Variants in DYNC2I1 observed in about 807,000 individuals in gnomAD.
DYNC2I1 encodes the protein cytoplasmic dynein 2 intermediate chain 1.
A neutral mutation model predicts 133.4 loss-of-function variants in DYNC2I1; 89 were observed. The ratio of observed to expected loss-of-function variants is 0.67; its 90% CI spans 0.56 to 0.80. The LOEUF (loss-of-function observed/expected upper bound fraction) is 0.80, where lower values mean the gene tolerates loss of function less well. Ranked by LOEUF, DYNC2I1 falls within the 30% of genes least tolerant of loss-of-function variation. The probability of loss-of-function intolerance (pLI) is 0.00; values close to 1 mark genes in which losing one functional copy is unlikely to be tolerated. For missense variants in DYNC2I1, 1,291 were observed against 1,314.5 expected (o/e 0.98, Z 0.28); for synonymous variants, 504 against 484.3 (o/e 1.04, Z -0.54).
intron 11 of DYNC2I1, among the ~76,000 whole-genome samples, chr7:158,908,492 CTTA>C (rs1847064331): frequency 1.3e-5 from 2 of 152,176 alleles, no homozygotes; most frequent in Non-Finnish European, 2.9e-5. Context: ...ATGATAGAGA[CTTA>C]TTATCCCTAA....
chr7:158,891,607 C>T (rs1270757832), intron 8 of DYNC2I1, among the ~76,000 whole-genome samples: 1 of 152,088 alleles, frequency 6.6e-6, no homozygotes, highest in East Asian at 1.9e-4. Context: ...CCTCTTTCTT[C>T]CTGGAAGAGG....
intron 22 of DYNC2I1, 69 bp downstream of exon 22, chr7:158,934,297 C>A: frequency 6.5e-7 from 1 of 1,540,510 alleles, no homozygotes; most frequent in Non-Finnish European, 8.7e-7. Context: ...TGATAAATAT[C>A]TTGATTTAGG....
At chr7:158,906,685 C>T (rs1199570442) in intron 11 of DYNC2I1, among the ~76,000 whole-genome samples, 4 of 152,136 alleles carry the variant, frequency 2.6e-5, no homozygotes, top group South Asian at 2.1e-4. Flanking sequence ...CTCGAACTCC[C>T]GACCTCAGGT....
chr7:158,924,694 C>T (rs1010020491), intron 17 of DYNC2I1, among the ~76,000 whole-genome samples: 11 of 152,054 alleles, frequency 7.2e-5, no homozygotes, highest in Admixed American at 7.2e-4. Flanking sequence ...AATTCAGCAC[C>T]GTTTTCAAAA....
intron 7 of DYNC2I1, among the ~76,000 whole-genome samples, chr7:158,887,984 C>T (rs1352731729): frequency 2.7e-5 from 4 of 149,750 alleles, no homozygotes; most frequent in African/African-American, 4.9e-5. Context: ...TAAAATAGCA[C>T]ACTGTGGAGT....
intron 8 of DYNC2I1, among the ~76,000 whole-genome samples, chr7:158,896,048 G>A (rs528926669): frequency 4.0e-5 from 6 of 151,834 alleles, no homozygotes; most frequent in African/African-American, 9.7e-5. Flanking sequence ...TATTTTCTGC[G>A]AAGAAAGTTT....
intron 15 of DYNC2I1, among the ~76,000 whole-genome samples, chr7:158,921,063 C>T (rs960664725): frequency 2.6e-5 from 4 of 152,224 alleles, no homozygotes; most frequent in Non-Finnish European, 5.9e-5. Flanking sequence ...AGCAACTCTG[C>T]CCTCCTGAAC....
chr7:158,843,829 C>T, the DYNC2I1 span, among the ~76,000 whole-genome samples: 1 of 152,084 alleles, frequency 6.6e-6, no homozygotes, highest in Non-Finnish European at 1.5e-5. Context: ...ACAGTAGGAT[C>T]TGTGTCCTGT....
intron 1 of DYNC2I1, among the ~76,000 whole-genome samples, chr7:158,861,328 C>G (rs1372552403): frequency 2.6e-5 from 4 of 152,196 alleles, no homozygotes; most frequent in Non-Finnish European, 4.4e-5. Context: ...CTAGCAGACA[C>G]AGCGAGCTTA....
intron 1 of DYNC2I1, among the ~76,000 whole-genome samples, chr7:158,862,699 T>TCTGGTGGGTTCTTGGTCTCG (rs1489389250): frequency 2.6e-5 from 4 of 152,014 alleles, no homozygotes; most frequent in African/African-American, 9.7e-5. Context: ...GTTGGTTCCT[T>TCTGGTGGGTTCTTGGTCTCG]CTGGTGGGTT....
At chr7:158,939,054 A>G (rs966158999) in intron 23 of DYNC2I1, among the ~76,000 whole-genome samples, 8 of 152,234 alleles carry the variant, frequency 5.3e-5, no homozygotes, top group Non-Finnish European at 1.0e-4. Flanking sequence ...GTTAAAGTGT[A>G]GAATTTTTTG....
rs763613395 is a variant in DYNC2I1 at position 158,871,367 on chromosome 7, C to G, written c.295C>G (p.Arg99Gly). ...GGAGAGGAGAAGAGACGCAAAAGAC[C>G]GGGAGAAAGAAAAGCTGAAGGAGAA... is the stretch of plus-strand genomic sequence containing the variant. ...QRERRRDAKD[R>G]EKEKLKEKHR... Residue 99 changes from arginine to glycine, a missense_variant, in exon 3 of 25, where the codon CGG (arginine) becomes GGG (glycine). Arg to Gly is a moderately radical substitution (Grantham distance 125, BLOSUM62 -2). Transcript: ENST00000407559. 1.5e-5 allele frequency: 23 copies of G among 1,549,578 alleles called. No individual in the cohort carries two copies. Among genetic ancestry groups the G allele is most frequent in the African/African-American group, 2.8e-5 (2 of 72,594 alleles).
In DYNC2I1 at chr7:158,937,622, G is replaced by GAAAAAAAAAAAAAAAAAAAAAAAAAA. The variant is rs71189438; in HGVS notation, c.2778+3086_2778+3087insAAAAAAAAAAAAAAAAAAAAAAAAAA. ...GGGTGACAGGGTGAGACTGTCTCAA[G>GAAAAAAAAAAAAAAAAAAAAAAAAAA]AAAAAAAAAAAAAGACACAAGGCTG... On this transcript the variant is annotated intron_variant, in intron 23 of 24. Coordinates refer to ENST00000407559, the MANE Select transcript of DYNC2I1 (RefSeq NM_018051.5). 6.2e-4 allele frequency among the ~76,000 whole-genome samples: 68 copies of GAAAAAAAAAAAAAAAAAAAAAAAAAA among 109,422 alleles called. 2 individuals carry two copies. Among genetic ancestry groups the GAAAAAAAAAAAAAAAAAAAAAAAAAA allele is most frequent in the African/African-American group, 2.0e-3 (55 of 27,238 alleles). 71.8% of individuals were successfully genotyped at this position (109,422 alleles called of 152,430 possible). A position where few individuals can be genotyped will look rare whatever the true frequency, so the allele number is the denominator to read the frequency against.
chr7:158,894,394 A>G (rs1845579735), intron 8 of DYNC2I1, among the ~76,000 whole-genome samples: 1 of 152,212 alleles, frequency 6.6e-6, no homozygotes, highest in Non-Finnish European at 1.5e-5. Flanking sequence ...AAAAATAATA[A>G]TACATTGAAT....
intron 15 of DYNC2I1, among the ~76,000 whole-genome samples, chr7:158,919,241 G>C (rs969622533): frequency 6.6e-6 from 1 of 152,352 alleles, no homozygotes; most frequent in African/African-American, 2.4e-5. Flanking sequence ...GAGCATGAGA[G>C]AGTGTTCAGA....
At chr7:158,860,787 T>G (rs992903339) in intron 1 of DYNC2I1, among the ~76,000 whole-genome samples, 4 of 152,232 alleles carry the variant, frequency 2.6e-5, no homozygotes, top group African/African-American at 2.4e-5. Context: ...TAAAATAAAT[T>G]TCTACCCTTT....
chr7:158,957,916 C>G (rs117176373), downstream of DYNC2I1, among the ~76,000 whole-genome samples: 416 of 152,346 alleles, frequency 2.7e-3, 5 homozygotes, highest in South Asian at 0.025. Context: ...CCCTTCCTGA[C>G]GTGTCAGCCA....
chr7:158,941,241 TCAATC>T (rs1851331885), intron 23 of DYNC2I1, among the ~76,000 whole-genome samples: 1 of 152,204 alleles, frequency 6.6e-6, no homozygotes, highest in African/African-American at 2.4e-5. Flanking sequence ...TATGAAAATT[TCAATC>T]CAAGAGAAGT....
intron 1 of DYNC2I1, among the ~76,000 whole-genome samples, chr7:158,862,133 C>T (rs978352424): frequency 3.3e-5 from 5 of 152,094 alleles, no homozygotes; most frequent in Admixed American, 1.3e-4. Context: ...CGTTAGTGCT[C>T]CTGCTCATTC....
Sources: allele counts gnomAD v4.1 joint callset (sites outside exome capture counted in the v4.1 genomes callset), GRCh38; gene constraint gnomAD v4.1.1; transcripts MANE v1.5; gene names NCBI Gene and HGNC (gene_info 2026-07-23, HGNC 2026-07-21).